Variants in FRAS1 observed in about 807,000 individuals in gnomAD.
FRAS1 encodes Fraser extracellular matrix complex subunit 1, also known as extracellular matrix organizing protein FRAS1.
In FRAS1, 290 loss-of-function variants were observed where a neutral mutation model predicts 435.2. That is an observed-to-expected ratio of 0.67 (90% CI 0.61 to 0.73). The LOEUF is 0.73. Among genes scored for constraint, FRAS1 ranks in the 30% least tolerant of loss-of-function variants. The probability of loss-of-function intolerance (pLI) is 0.00; values close to 1 mark genes in which losing one functional copy is unlikely to be tolerated. For missense variants in FRAS1, 4,860 were observed against 5,001.5 expected, an observed-to-expected ratio of 0.97 and a Z score of 0.85; for synonymous variants, 1,800 against 1,851.0, an observed-to-expected ratio of 0.97 and a Z score of 0.71.
At chr4:78,379,517 C>T (rs771153715) in intron 26 of FRAS1, 15 of 544,310 alleles carry the variant, frequency 2.8e-5, no homozygotes, top group East Asian at 6.6e-5. Context: ...TTCCCTAGAG[C>T]GAGCTGACGG....
At chr4:78,389,887 G>A (rs1732377103) in intron 29 of FRAS1, among the ~76,000 whole-genome samples, 1 of 152,152 alleles carries the variant, frequency 6.6e-6, no homozygotes, top group African/African-American at 2.4e-5. Context: ...AAGACACAGA[G>A]TTTTGGGATC....
Position 78,505,292 on chromosome 4 carries a change from G to A in FRAS1, c.9317-2129G>A, listed in dbSNP as rs1260234275. Among the ~76,000 whole-genome samples, 3 of 152,198 alleles carry A rather than the reference G, an allele frequency of 2.0e-5. 1 individual carries two copies. ...TGGCCTTGCTTGCCAGGTTGGGGAA[G>A]TTCTCCTGGATAATATCCTGAAGAG... On this transcript the variant is annotated intron_variant, in intron 61 of 73. Coordinates refer to ENST00000512123, the MANE Select transcript of FRAS1 (RefSeq NM_025074.7).
intron 20 of FRAS1, among the ~76,000 whole-genome samples, chr4:78,355,047 A>G (rs1041820844): frequency 6.6e-6 from 1 of 152,226 alleles, no homozygotes; most frequent in Non-Finnish European, 1.5e-5. Context: ...AGGATTCTAC[A>G]GCTGCTGAGT....
intron 33 of FRAS1, among the ~76,000 whole-genome samples, chr4:78,419,291 CATAGCAT>C (rs1310170341): frequency 6.6e-6 from 1 of 152,208 alleles, no homozygotes; most frequent in Non-Finnish European, 1.5e-5. Flanking sequence ...TTGGCACTGA[CATAGCAT>C]AGCATGCTGG....
chr4:78,530,995 T>A lies in FRAS1; in HGVS notation c.10926-3454T>A, dbSNP rs548802469. ...GAGCATGGAATGTTTTTCATTTGTT[T>A]GTGTCCTTTCTTATTTCCTTGAGCA... On this transcript the variant is annotated intron_variant, in intron 70 of 73. Coordinates refer to ENST00000512123, the MANE Select transcript of FRAS1 (RefSeq NM_025074.7). Among the ~76,000 whole-genome samples, 5 of 152,380 alleles carry A rather than the reference T, an allele frequency of 3.3e-5. No individual in the cohort carries two copies. The East Asian group carries it at 9.6e-4, about 29-fold the overall frequency.
At chr4:78,239,673 C>A (rs1237669164) in intron 3 of FRAS1, among the ~76,000 whole-genome samples, 1 of 152,162 alleles carries the variant, frequency 6.6e-6, no homozygotes, top group Non-Finnish European at 1.5e-5. Context: ...GCTTCAGACA[C>A]CAAGCCTCCT....
At chr4:78,300,595 A>G (rs746517393) in intron 14 of FRAS1, among the ~76,000 whole-genome samples, 8 of 152,050 alleles carry the variant, frequency 5.3e-5, no homozygotes, top group Non-Finnish European at 1.0e-4. Flanking sequence ...CCCTCTCTAC[A>G]TGGCAGCCAG....
chr4:78,175,568 C>G (rs1721733979), intron 2 of FRAS1, among the ~76,000 whole-genome samples: 1 of 152,144 alleles, frequency 6.6e-6, no homozygotes, highest in East Asian at 1.9e-4. Context: ...AGGGAAACCA[C>G]AGGAATAGTG....
chr4:78,507,398 T>C lies in FRAS1; in HGVS notation c.9317-23T>C, dbSNP rs1720875624. 4 of 1,595,328 alleles carry C rather than the reference T, an allele frequency of 2.5e-6. No homozygotes were observed. The East Asian group carries it at 9.0e-5, about 36-fold the overall frequency. On this transcript the variant is annotated intron_variant, in intron 61 of 73. Transcript: ENST00000512123. ...GTTTCCTAATGAAGCCTTTGCTCTC[T>C]TTTTGTTCTGTCCTTGGCGAAGGTG...
intron 9 of FRAS1, among the ~76,000 whole-genome samples, chr4:78,276,894 C>G (rs1727070704): frequency 6.6e-6 from 1 of 152,220 alleles, no homozygotes; most frequent in South Asian, 2.1e-4. Context: ...TTTTGTTTGG[C>G]TATGCCCTGC....
chr4:78,112,534 G>T (rs958785145), intron 2 of FRAS1, among the ~76,000 whole-genome samples: 1 of 151,890 alleles, frequency 6.6e-6, no homozygotes, highest in Non-Finnish European at 1.5e-5. Flanking sequence ...AACTATTAAT[G>T]CAAATCATTA....
rs1281813474 is a variant in FRAS1 at position 78,400,746 on chromosome 4, C to A, written c.3988C>A (p.Leu1330Ile). 8 of 1,612,606 alleles carry A rather than the reference C, an allele frequency of 5.0e-6. No homozygotes were observed. Among genetic ancestry groups the A allele is most frequent in the African/African-American group, 1.3e-5 (1 of 74,820 alleles). The change falls in exon 30 of 74, where the codon CTT becomes ATT. Residue 1330 changes from leucine to isoleucine, a missense_variant. Leu to Ile is a conservative substitution (Grantham distance 5). Coordinates refer to ENST00000512123, the MANE Select transcript of FRAS1 (RefSeq NM_025074.7). ...ATTTTTATTTCAGAATGACAGGGGTCTTCAGCTTGTGGCTAATTCGATGGT... is the reference window on the plus strand; with the variant it reads ...ATTTTTATTTCAGAATGACAGGGGTATTCAGCTTGTGGCTAATTCGATGGT... Reference protein sequence around the residue: ...VKTVPQNDRGLQLVANSMVWV... With the variant: ...VKTVPQNDRGIQLVANSMVWV...
Position 78,451,853 on chromosome 4 carries a change from A to G in FRAS1, c.6545A>G (p.Asn2182Ser). The G allele has an allele frequency of 5.6e-6, 9 of 1,613,260 alleles. No homozygotes were observed. Among genetic ancestry groups the G allele is most frequent in the Non-Finnish European group, 6.8e-6 (8 of 1,179,526 alleles). The change falls in exon 46 of 74, where the codon AAC (asparagine) becomes AGC (serine). Residue 2182 changes from asparagine (N) to serine (S), a missense_variant. By Grantham distance (46) the Asn-to-Ser change is conservative. Coordinates refer to ENST00000512123, the MANE Select transcript of FRAS1 (RefSeq NM_025074.7). ...TTTGATGTGGTTGATGGAGAAGGCA[A>G]CAGATTGATTGACAAGTCATTTTCC... ...FKFDVVDGEGNRLIDKSFSIS... is the reference protein window; with the variant it reads ...FKFDVVDGEGSRLIDKSFSIS...
At chr4:78,498,378 C>T (rs376643173) in intron 60 of FRAS1, among the ~76,000 whole-genome samples, 3 of 151,960 alleles carry the variant, frequency 2.0e-5, no homozygotes, top group Admixed American at 1.3e-4. Flanking sequence ...TGGTGGCATG[C>T]GCCTGTAATC....
At chr4:78,339,411 G>A (rs1456567382) in intron 20 of FRAS1, among the ~76,000 whole-genome samples, 1 of 152,218 alleles carries the variant, frequency 6.6e-6, no homozygotes, top group Non-Finnish European at 1.5e-5. Context: ...AAAGACACAA[G>A]TGTAGTTAAC....
Position 78,314,384 on chromosome 4 carries a change from G to A in FRAS1, c.1679-1210G>A, listed in dbSNP as rs139248589. On this transcript the variant is annotated intron_variant, in intron 15 of 73. Coordinates refer to ENST00000512123, the MANE Select transcript of FRAS1 (RefSeq NM_025074.7). ...CAAGACAGGCCCCTGGAAGCCATGT[G>A]AGATGGTTTTTTCTTCACTGCTCTC... 1.2e-3 allele frequency among the ~76,000 whole-genome samples: 187 copies of A among 152,156 alleles called. 1 individual carries two copies. In the Middle Eastern group the frequency reaches 0.034, roughly 28 times the overall value.
chr4:78,445,090 G>T (rs1392358876), intron 41 of FRAS1, among the ~76,000 whole-genome samples: 1 of 152,238 alleles, frequency 6.6e-6, no homozygotes, highest in East Asian at 1.9e-4. Flanking sequence ...CTTATGTAGT[G>T]AAAGAGGGTT....
chr4:78,334,857 C>G (rs916943843), intron 19 of FRAS1, among the ~76,000 whole-genome samples: 1 of 152,040 alleles, frequency 6.6e-6, no homozygotes, highest in African/African-American at 2.4e-5. Context: ...CTCCTGGGCT[C>G]TAGTTATCCT....
chr4:78,529,624 G>A (rs566119939), intron 70 of FRAS1, among the ~76,000 whole-genome samples: 1 of 152,238 alleles, frequency 6.6e-6, no homozygotes, highest in East Asian at 1.9e-4. Context: ...TGGAGTAAAT[G>A]TTCCAAGAGC....
Sources: allele counts gnomAD v4.1 joint callset (sites outside exome capture counted in the v4.1 genomes callset), GRCh38; gene constraint gnomAD v4.1.1; transcripts MANE v1.5; gene names NCBI Gene and HGNC (gene_info 2026-07-23, HGNC 2026-07-21).